JPH2: variants seen among roughly 807,000 people sequenced by gnomAD.
The protein encoded by JPH2 is junctophilin 2.
JPH2 carries 38 observed loss-of-function variants against 55.9 expected under a neutral mutation model. The ratio of observed to expected loss-of-function variants is 0.68; its 90% CI spans 0.52 to 0.89. The LOEUF is 0.89. Ranked by LOEUF, JPH2 falls within the 40% of genes least tolerant of loss-of-function variation. JPH2 has a pLI of 0.00. For synonymous variants in JPH2, 480 were observed against 472.4 expected (o/e 1.02, Z -0.21); for missense variants, 964 against 1,037.6 (o/e 0.93, Z 0.97).
At position 44,177,725 on chromosome 20, in the gene JPH2, C is replaced by G. The variant is rs2072746537; in HGVS notation, c.379+8602G>C. The G allele has an allele frequency of 1.0e-5, 14 of 1,374,142 alleles. No homozygotes were observed. In the South Asian group the frequency reaches 1.9e-4, roughly 19 times the overall value. The allele number at this position is 1,374,142 out of a possible 1,614,324, so 85.1% of individuals were successfully genotyped here. A position where few individuals can be genotyped will look rare whatever the true frequency, so the allele number is the denominator to read the frequency against. On this transcript the variant is annotated intron_variant, in intron 1 of 5. Transcript: ENST00000372980. ...TACACTGGCAGGACTCAAGGCAGAA[C>G]TAAGCGAATCAAAGTCTTGTCTTAT...
chr20:44,115,643 A>G (rs1312594566), intron 4 of JPH2, 22 bp downstream of exon 4: 2 of 1,611,178 alleles, frequency 1.2e-6, no homozygotes, highest in African/African-American at 2.7e-5. Context: ...GACCTTAGGC[A>G]CACCTTGCCC....
chr20:44,186,086 T>C (rs973843855), intron 1 of JPH2, among the ~76,000 whole-genome samples: 6 of 152,198 alleles, frequency 3.9e-5, no homozygotes, highest in Non-Finnish European at 7.3e-5. Context: ...TGCACTTACA[T>C]GGCAGGCTTT....
chr20:44,132,351 GACAGACACAC>G (rs1372372970), intron 2 of JPH2, among the ~76,000 whole-genome samples: 43 of 67,496 alleles, frequency 6.4e-4, no homozygotes, highest in African/African-American at 2.2e-3. Flanking sequence ...GAGGCAGACA[GACAGACACAC>G]ACACACACAC....
chr20:44,150,684 T>C (rs577208550), intron 2 of JPH2, among the ~76,000 whole-genome samples: 3 of 152,280 alleles, frequency 2.0e-5, no homozygotes, highest in Admixed American at 1.3e-4. Flanking sequence ...TGGATGTATA[T>C]AGATCATTGG....
rs541912911 is a variant in JPH2 at position 44,110,780 on chromosome 20, G to A, written c.*2738C>T. ...TCTATCTCATTTGAGCCTCACAACT[G>A]CATTGCCTATGAGGAAGACCATGGG... On this transcript the variant is annotated 3_prime_UTR_variant, in exon 6 of 6. Transcript: ENST00000372980. 6.6e-6 allele frequency among the ~76,000 whole-genome samples: 1 copy of A among 152,242 alleles called. No individual in the cohort carries two copies. The highest frequency in any genetic ancestry group is 2.1e-4 in the South Asian group (1 of 4,824).
At chr20:44,163,429 T>G (rs1442482242) in intron 1 of JPH2, among the ~76,000 whole-genome samples, 10 of 152,152 alleles carry the variant, frequency 6.6e-5, no homozygotes, top group Non-Finnish European at 7.4e-5. Flanking sequence ...TCTAGATGCT[T>G]CCACACTGCC....
At chr20:44,150,062 T>C (rs995433009) in intron 2 of JPH2, among the ~76,000 whole-genome samples, 6 of 138,224 alleles carry the variant, frequency 4.3e-5, no homozygotes, top group African/African-American at 1.7e-4. Context: ...CACAGAACTA[T>C]TTATTAAGTT....
rs112488733 is a variant in JPH2, at chr20:44,179,697, A to T, written c.379+6630T>A. On this transcript the variant is annotated intron_variant, in intron 1 of 5. Transcript: ENST00000372980. ...TTTTCATTTTGCACTGGGTCTCACG[A>T]ATTATGAAGCATGTCCTAGTCTGTA... Among the ~76,000 whole-genome samples the T allele has an allele frequency of 4.9e-3, 743 of 152,344 alleles. 6 individuals carry two copies. The highest frequency in any genetic ancestry group is 7.2e-3 in the Non-Finnish European group (489 of 68,034).
Position 44,109,874 on chromosome 20 carries a change from G to A in JPH2, c.*3644C>T, listed in dbSNP as rs2072129831. On this transcript the variant is annotated 3_prime_UTR_variant, in exon 6 of 6. Coordinates refer to ENST00000372980, the MANE Select transcript of JPH2 (RefSeq NM_020433.5). ...CCCGAATCCCAAATCTGACTCCCACGGTTCCTAGGTCCCCTCCCTTTCACT... is the reference window on the plus strand; with the variant it reads ...CCCGAATCCCAAATCTGACTCCCACAGTTCCTAGGTCCCCTCCCTTTCACT... Among the ~76,000 whole-genome samples the A allele has an allele frequency of 6.6e-6, 1 of 152,094 alleles. No homozygotes were observed. The highest frequency in any genetic ancestry group is 6.5e-5 in the Admixed American group (1 of 15,268).
At chr20:44,124,692 C>T (rs1272616618) in intron 2 of JPH2, among the ~76,000 whole-genome samples, 1 of 151,818 alleles carries the variant, frequency 6.6e-6, no homozygotes, top group African/African-American at 2.4e-5. Flanking sequence ...AAACAAAAAT[C>T]CCTTGCAGAG....
chr20:44,116,524 G>T, intron 3 of JPH2, 138 bp from the exon 4 acceptor site: 1 of 955,806 alleles, frequency 1.0e-6, no homozygotes, highest in Admixed American at 2.3e-5. Flanking sequence ...GCCAGGCACT[G>T]TTCCAAGCAC....
intron 2 of JPH2, among the ~76,000 whole-genome samples, chr20:44,155,364 T>C (rs950582138): frequency 1.3e-5 from 2 of 152,188 alleles, no homozygotes; most frequent in African/African-American, 2.4e-5. Context: ...TCTGCCTAAG[T>C]GGCCCAGGGT....
rs1055580234 is a variant in JPH2, at chr20:44,160,247, G to A, written c.540C>T (p.Pro180=). 1 of 1,515,300 alleles carries A rather than the reference G, an allele frequency of 6.6e-7. No homozygotes were observed. Among genetic ancestry groups the A allele is most frequent in the East Asian group, 2.6e-5 (1 of 38,882 alleles). 93.9% of individuals were successfully genotyped at this position (1,515,300 alleles called of 1,614,324 possible). ...CGGGGCCGTCGGAGGCCGGCGAGGC[G>A]GGAGAGTCCGGGGCCACCGTGCCGT... is the stretch of plus-strand genomic sequence containing the variant. ...HSNGTVAPDS[P]ASPASDGPAL... is the part of the protein sequence containing the mutation. The change falls in exon 2 of 6, where the codon CCC becomes CCT. Residue 180 remains proline, a synonymous_variant. Coordinates refer to ENST00000372980, the MANE Select transcript of JPH2 (RefSeq NM_020433.5). The surrounding 1 kb of genome is among the most constrained non-coding windows in gnomAD (Gnocchi z 4.9).
chr20:44,173,946 G>T (rs1417026511), intron 1 of JPH2, among the ~76,000 whole-genome samples: 1 of 152,082 alleles, frequency 6.6e-6, no homozygotes, highest in Non-Finnish European at 1.5e-5. Context: ...TTCATCAGAC[G>T]ATGATAAGAT....
chr20:44,186,625 T>C lies in JPH2; in HGVS notation c.81A>G (p.Gly27=), dbSNP rs1294838843. The C allele has an allele frequency of 6.2e-7, 1 of 1,611,960 alleles. No individual in the cohort carries two copies. The highest frequency in any genetic ancestry group is 2.2e-5 in the East Asian group (1 of 44,852). Residue 27 remains glycine (G), a synonymous_variant, in exon 1 of 6, where the codon GGA becomes GGG. Coordinates refer to ENST00000372980, the MANE Select transcript of JPH2 (RefSeq NM_020433.5). The stretch of plus-strand genomic sequence containing the variant: ...CCTGGCCCTTGGGGCCTGTGCACAG[T>C]CCATGCCCATGGGCCTTTCCCCCCT... ...GWEGGKAHGH[G]LCTGPKGQGE... is the part of the protein sequence containing the mutation.
chr20:44,142,790 A>AT (rs1356164231), intron 2 of JPH2, among the ~76,000 whole-genome samples: 1 of 152,218 alleles, frequency 6.6e-6, no homozygotes, highest in Non-Finnish European at 1.5e-5. Context: ...CAGGCTCTCA[A>AT]TAAGTCCTTG....
intron 2 of JPH2, among the ~76,000 whole-genome samples, chr20:44,142,705 G>A (rs928771340): frequency 2.6e-5 from 4 of 152,306 alleles, no homozygotes; most frequent in East Asian, 1.9e-4. Flanking sequence ...TCTCCCCAGC[G>A]GGAGGGCAAA....
rs557122279 is a variant in JPH2 at position 44,184,299 on chromosome 20, T to TTCTTC, written c.379+2027_379+2028insGAAGA. On this transcript the variant is annotated intron_variant, in intron 1 of 5. Coordinates refer to ENST00000372980, the MANE Select transcript of JPH2 (RefSeq NM_020433.5). ...TCTTCTTCTTCTTCTTCTTCTTCTT[T>TTCTTC]TTTTCCATCATTCTCAGCTTATAAG... is the stretch of plus-strand genomic sequence containing the variant. Among the ~76,000 whole-genome samples the TTCTTC allele has an allele frequency of 1.9e-4, 29 of 151,904 alleles. No homozygotes were observed. The East Asian group carries it at 4.8e-3, about 25-fold the overall frequency.
At chr20:44,157,347 C>T (rs540715791) in intron 2 of JPH2, among the ~76,000 whole-genome samples, 97 of 152,286 alleles carry the variant, frequency 6.4e-4, no homozygotes, top group African/African-American at 2.2e-3. Context: ...GCTCCCTCAT[C>T]CCAACTTGCG....
Sources: allele counts gnomAD v4.1 joint callset (sites outside exome capture counted in the v4.1 genomes callset), GRCh38; gene constraint gnomAD v4.1.1; non-coding constraint Gnocchi (gnomAD v3.1); transcripts MANE v1.5; gene names NCBI Gene and HGNC (gene_info 2026-07-23, HGNC 2026-07-21).